Variants in UNC80 observed in about 807,000 individuals in gnomAD.
UNC80 encodes protein unc-80 homolog.
A neutral mutation model predicts 384.6 loss-of-function variants in UNC80; 164 were observed. The observed-to-expected ratio is 0.43, with a 90% CI of 0.38 to 0.49. The LOEUF (loss-of-function observed/expected upper bound fraction) is 0.49. UNC80 is among the 20% of genes least tolerant of loss of function. The pLI is 0.00. For missense variants in UNC80, 3,330 were observed against 4,143.0 expected (o/e 0.80, Z 5.39); for synonymous variants, 1,486 against 1,527.8 (o/e 0.97, Z 0.64).
At chr2:209,874,844 A>G (rs773600793) in intron 23 of UNC80, among the ~76,000 whole-genome samples, 14 of 152,140 alleles carry the variant, frequency 9.2e-5, no homozygotes, top group Non-Finnish European at 1.8e-4. Flanking sequence ...CAATCTTCCA[A>G]AATAAAACCC....
intron 54 of UNC80, 25 bp from the exon 55 acceptor site, chr2:209,972,176 C>G: frequency 1.3e-6 from 2 of 1,547,336 alleles, no homozygotes; most frequent in Non-Finnish European, 1.7e-6. Flanking sequence ...GTCAATTAAT[C>G]TTTTCTTCTA....
chr2:209,780,995 C>A (rs1182251619), intron 4 of UNC80, among the ~76,000 whole-genome samples: 1 of 152,176 alleles, frequency 6.6e-6, no homozygotes, highest in African/African-American at 2.4e-5. Context: ...TCTCTAAACC[C>A]AGTGTGCTGC....
At chr2:209,918,922 T>G (rs1467218249) in intron 33 of UNC80, among the ~76,000 whole-genome samples, 2 of 152,228 alleles carry the variant, frequency 1.3e-5, no homozygotes, top group East Asian at 3.8e-4. Context: ...CATTGATTTC[T>G]TGGCCAAAGG....
chr2:209,913,710 C>T (rs2089214939), intron 30 of UNC80, 92 bp from the exon 31 acceptor site: 4 of 1,328,716 alleles, frequency 3.0e-6, no homozygotes, highest in African/African-American at 1.5e-5. Context: ...TTAAGGCAAG[C>T]AGAGAGAGGG....
intron 51 of UNC80, among the ~76,000 whole-genome samples, chr2:209,964,536 C>A (rs1375210321): frequency 6.6e-6 from 1 of 152,118 alleles, no homozygotes; most frequent in Non-Finnish European, 1.5e-5. Context: ...CGCCTGTAAT[C>A]CCAGCACTTT....
chr2:209,921,363 A>G lies in UNC80; in HGVS notation c.5344-137A>G, dbSNP rs192155226. On this transcript the variant is annotated intron_variant, in intron 33 of 64. Transcript: ENST00000673920. ...AAATTTGGTAAAAGGACAAATATCC[A>G]TGAAACTGGATCATGGGTATCCTAA... 1,857 of 864,444 alleles carry G rather than the reference A, an allele frequency of 2.1e-3. 4 individuals are homozygous for G. The highest frequency in any genetic ancestry group is 2.8e-3 in the Non-Finnish European group (1,651 of 598,128). 53.5% of individuals were successfully genotyped at this position (864,444 alleles called of 1,614,324 possible).
intron 36 of UNC80, among the ~76,000 whole-genome samples, chr2:209,928,833 G>T (rs896596127): frequency 6.6e-6 from 1 of 151,790 alleles, no homozygotes; most frequent in Non-Finnish European, 1.5e-5. Flanking sequence ...CCTCCCTCCC[G>T]CCTCCCCTTC....
intron 56 of UNC80, among the ~76,000 whole-genome samples, chr2:209,974,327 T>G (rs114395299): frequency 6.6e-6 from 1 of 152,214 alleles, no homozygotes; most frequent in Non-Finnish European, 1.5e-5. Flanking sequence ...CTAACCCATA[T>G]GGATGCTCAG....
At chr2:209,916,027 T>G (rs533732238) in intron 31 of UNC80, among the ~76,000 whole-genome samples, 1 of 152,258 alleles carries the variant, frequency 6.6e-6, no homozygotes, top group South Asian at 2.1e-4. Flanking sequence ...TTAAAATAAA[T>G]TTTTAATTTT....
intron 63 of UNC80, 102 bp downstream of exon 63, chr2:209,993,528 T>A: frequency 1.1e-6 from 1 of 912,508 alleles, no homozygotes; most frequent in Non-Finnish European, 1.7e-6. Context: ...TAAGCACACC[T>A]TTGGGGAGGT....
chr2:209,929,731 C>A, intron 36 of UNC80, 140 bp from the exon 37 acceptor site: 1 of 562,624 alleles, frequency 1.8e-6, no homozygotes, highest in Non-Finnish European at 3.0e-6. Context: ...GAACAAACAC[C>A]TACGTTGCAA....
Position 209,786,154 on chromosome 2 carries a change from C to A in UNC80, c.689C>A (p.Thr230Asn). 1.2e-6 allele frequency: 2 copies of A among 1,613,974 alleles called. No individual in the cohort carries two copies. Among genetic ancestry groups the A allele is most frequent in the Non-Finnish European group, 1.7e-6 (2 of 1,179,914 alleles). ...EHRQPGVSGF[T>N]ALVKPIRNII... ...AGACAGCCCGGAGTCTCTGGCTTTA[C>A]CGCACTGGTGAAGCCCATCAGGAAC... is the stretch of plus-strand genomic sequence containing the variant. The change falls in exon 5 of 65, where the codon ACC becomes AAC. Residue 230 changes from threonine (T) to asparagine (N), a missense_variant. Coordinates refer to ENST00000673920, the MANE Select transcript of UNC80 (RefSeq NM_001371986.1).
intron 53 of UNC80, 121 bp downstream of exon 53, chr2:209,970,012 G>C (rs35262014): frequency 4.7e-6 from 6 of 1,273,374 alleles, no homozygotes. Flanking sequence ...GAAAACAGAC[G>C]GCTCAGGTGA....
Position 209,936,941 on chromosome 2 carries a change from A to T in UNC80, c.6363+8A>T, listed in dbSNP as rs1575076095. 1 of 1,518,720 alleles carries T rather than the reference A, an allele frequency of 6.6e-7. No homozygotes were observed. The allele number at this position is 1,518,720 out of a possible 1,614,324, so 94.1% of individuals were successfully genotyped here. A position where few individuals can be genotyped will look rare whatever the true frequency, so the allele number is the denominator to read the frequency against. On this transcript the variant is annotated splice_region_variant and intron_variant, in intron 41 of 64. Transcript: ENST00000673920. ...CTTATCCACTACAATAAGGTGAGAC[A>T]CCAGTAGTGACATCCCCGTTGAGTT...
At chr2:209,833,799 C>G (rs1219929238) in intron 16 of UNC80, among the ~76,000 whole-genome samples, 1 of 152,158 alleles carries the variant, frequency 6.6e-6, no homozygotes, top group African/African-American at 2.4e-5. Flanking sequence ...CAAGGATGAC[C>G]AGCAAAGGCC....
chr2:209,949,926 C>T (rs866284736), intron 47 of UNC80, among the ~76,000 whole-genome samples: 2 of 152,148 alleles, frequency 1.3e-5, no homozygotes, highest in Admixed American at 1.3e-4. Context: ...CTCCCAGACT[C>T]GAGCAATCCT....
At chr2:209,809,874 C>G (rs2079205438) in intron 7 of UNC80, among the ~76,000 whole-genome samples, 2 of 152,194 alleles carry the variant, frequency 1.3e-5, no homozygotes, top group Non-Finnish European at 2.9e-5. Context: ...CATTCTTGAA[C>G]TGGCTTTTCT....
chr2:209,904,887 C>A lies in UNC80; in HGVS notation c.4704C>A (p.Leu1568=), dbSNP rs372650028. 4.5e-6 allele frequency: 7 copies of A among 1,551,852 alleles called. No homozygotes were observed. The South Asian group carries it at 8.3e-5, about 18-fold the overall frequency. ...CARLVRAIKL[L]YGDSVDSLRE... Reference sequence around the variant, plus strand: ...GACTGGTCAGAGCCATCAAGCTACTCTATGGAGACAGTGTGGACTCCCTGA... The same window carrying A: ...GACTGGTCAGAGCCATCAAGCTACTATATGGAGACAGTGTGGACTCCCTGA... The change falls in exon 29 of 65, where the codon CTC becomes CTA. Residue 1568 remains leucine (L), a synonymous_variant. Transcript: ENST00000673920.
intron 21 of UNC80, among the ~76,000 whole-genome samples, chr2:209,846,485 G>A (rs2082180820): frequency 6.6e-6 from 1 of 151,894 alleles, no homozygotes; most frequent in South Asian, 2.1e-4. Context: ...GGGAAATGCT[G>A]CTTAAGGAAA....
Sources: allele counts gnomAD v4.1 joint callset (sites outside exome capture counted in the v4.1 genomes callset), GRCh38; gene constraint gnomAD v4.1.1; transcripts MANE v1.5; gene names NCBI Gene and HGNC (gene_info 2026-07-23, HGNC 2026-07-21).